SLC44A5: variants seen among roughly 807,000 people sequenced by gnomAD.
SLC44A5 encodes the protein choline transporter-like protein 5.
Under a neutral mutation model 101.8 loss-of-function variants are expected in SLC44A5, and 57 were observed. That is an observed-to-expected ratio of 0.56 (90% CI 0.45 to 0.70). SLC44A5 has a LOEUF of 0.70. SLC44A5 is among the 30% of genes least tolerant of loss of function. The pLI is 0.00. For missense variants in SLC44A5, 737 were observed against 853.1 expected (o/e 0.86, Z 1.70); for synonymous variants, 281 against 290.9 (o/e 0.97, Z 0.35).
Position 75,276,078 on chromosome 1 carries a change from A to G in SLC44A5, c.176-1036T>C, listed in dbSNP as rs557901129. ...CAATATGGAAGAAAATTTTTTCTCA[A>G]TATTTTTTCTCAATCTAAGCCTGTC... On this transcript the variant is annotated intron_variant, in intron 5 of 23. Coordinates refer to ENST00000370859, the MANE Select transcript of SLC44A5 (RefSeq NM_001130058.2). Among the ~76,000 whole-genome samples, 4 of 152,264 alleles carry G rather than the reference A, an allele frequency of 2.6e-5. No individual in the cohort carries two copies. In the South Asian group the frequency reaches 8.3e-4, roughly 32 times the overall value.
At chr1:75,364,431 T>C (rs1659715130) in intron 3 of SLC44A5, among the ~76,000 whole-genome samples, 1 of 152,128 alleles carries the variant, frequency 6.6e-6, no homozygotes, top group South Asian at 2.1e-4. Flanking sequence ...CAAGATCTCA[T>C]GAGAAATCAC....
chr1:75,693,261 T>C, the SLC44A5 span, among the ~76,000 whole-genome samples: 1 of 152,240 alleles, frequency 6.6e-6, no homozygotes, highest in Non-Finnish European at 1.5e-5. Context: ...TGCCATCTGA[T>C]AGCAGTTTTC....
At chr1:75,444,920 G>A (rs181933096) in intron 2 of SLC44A5, among the ~76,000 whole-genome samples, 1 of 152,248 alleles carries the variant, frequency 6.6e-6, no homozygotes, top group African/African-American at 2.4e-5. Context: ...GTTAGGTAGA[G>A]GAGAGAATGA....
chr1:75,366,336 T>C (rs145789282), intron 3 of SLC44A5, among the ~76,000 whole-genome samples: 1 of 152,160 alleles, frequency 6.6e-6, no homozygotes, highest in Non-Finnish European at 1.5e-5. Flanking sequence ...GCCTTTTGAA[T>C]ATATAATCCC....
At chr1:75,256,288 C>G (rs1650015890) in intron 6 of SLC44A5, among the ~76,000 whole-genome samples, 1 of 152,040 alleles carries the variant, frequency 6.6e-6, no homozygotes, top group Non-Finnish European at 1.5e-5. Context: ...CAAGGTAGAC[C>G]TTCAGGGAAA....
the SLC44A5 span, among the ~76,000 whole-genome samples, chr1:75,645,359 G>T: frequency 2.6e-5 from 4 of 152,062 alleles, no homozygotes; most frequent in Non-Finnish European, 5.9e-5. Context: ...GTTTTGATTT[G>T]CATTTCTCTG....
chr1:75,424,971 G>A (rs1570239938), intron 2 of SLC44A5, among the ~76,000 whole-genome samples: 1 of 152,110 alleles, frequency 6.6e-6, no homozygotes, highest in East Asian at 1.9e-4. Flanking sequence ...CCAACAATAG[G>A]AACACTTTGG....
intron 1 of SLC44A5, among the ~76,000 whole-genome samples, chr1:75,590,084 A>C (rs982966989): frequency 6.6e-6 from 1 of 152,050 alleles, no homozygotes; most frequent in Non-Finnish European, 1.5e-5. Flanking sequence ...CTGAGACACC[A>C]GCTGGGGTAA....
chr1:75,541,193 C>T (rs1355205076), intron 2 of SLC44A5, among the ~76,000 whole-genome samples: 1 of 152,076 alleles, frequency 6.6e-6, no homozygotes, highest in Non-Finnish European at 1.5e-5. Context: ...GCCATGTTCC[C>T]AAGAATCACT....
At chr1:75,372,902 T>G (rs1455365798) in intron 3 of SLC44A5, among the ~76,000 whole-genome samples, 1 of 152,146 alleles carries the variant, frequency 6.6e-6, no homozygotes, top group East Asian at 1.9e-4. Flanking sequence ...TCCAATGAAG[T>G]TTAGTAGAAT....
At chr1:75,558,929 C>G (rs950954231) in intron 1 of SLC44A5, among the ~76,000 whole-genome samples, 5 of 152,070 alleles carry the variant, frequency 3.3e-5, no homozygotes, top group African/African-American at 4.8e-5. Flanking sequence ...AGGTCTCAGA[C>G]AGTAGCCAAC....
Position 75,222,461 on chromosome 1 carries a change from C to A in SLC44A5, c.986-1G>T. The A allele has an allele frequency of 6.3e-7, 1 of 1,594,690 alleles. No individual in the cohort carries two copies. The highest frequency in any genetic ancestry group is 1.7e-5 in the Admixed American group (1 of 59,784). On this transcript the variant is annotated splice_acceptor_variant, in intron 13 of 23. Transcript: ENST00000370859. LOFTEE classifies it high-confidence loss of function. ...ACTTCAATGATGCAGAGTATTATCA[C>A]TTTGAACAGGAAAAAAAAAATCAGT...
At chr1:75,460,968 T>C (rs1364843537) in intron 2 of SLC44A5, among the ~76,000 whole-genome samples, 1 of 152,078 alleles carries the variant, frequency 6.6e-6, no homozygotes, top group African/African-American at 2.4e-5. Flanking sequence ...CTTGCAAATT[T>C]ATCCACAATA....
intron 7 of SLC44A5, among the ~76,000 whole-genome samples, chr1:75,246,700 T>C (rs1570460956): frequency 6.6e-6 from 1 of 151,980 alleles, no homozygotes; most frequent in African/African-American, 2.4e-5. Context: ...TTTGAAGAGG[T>C]AGTCAAAGAA....
At chr1:75,268,070 T>C (rs960157741) in intron 6 of SLC44A5, among the ~76,000 whole-genome samples, 1 of 152,162 alleles carries the variant, frequency 6.6e-6, no homozygotes, top group African/African-American at 2.4e-5. Flanking sequence ...TCAGAGTCCA[T>C]AGGACACAGA....
intron 1 of SLC44A5, among the ~76,000 whole-genome samples, chr1:75,607,709 T>C (rs1305031442): frequency 6.6e-6 from 1 of 151,960 alleles, no homozygotes; most frequent in Non-Finnish European, 1.5e-5. Context: ...TGAGATCTGA[T>C]GGTTTTATAA....
intron 6 of SLC44A5, among the ~76,000 whole-genome samples, chr1:75,269,887 G>A (rs1002090041): frequency 6.6e-6 from 1 of 152,114 alleles, no homozygotes; most frequent in African/African-American, 2.4e-5. Flanking sequence ...ACATGTTGTG[G>A]GAGGGAACCC....
At chr1:75,588,211 T>TGAAG (rs1553211145) in intron 1 of SLC44A5, among the ~76,000 whole-genome samples, 1 of 121,374 alleles carries the variant, frequency 8.2e-6, no homozygotes, top group African/African-American at 3.2e-5. Flanking sequence ...AAAGAAGGGA[T>TGAAG]GAAGGAAGGA....
chr1:75,274,132 T>C (rs1651723890), intron 6 of SLC44A5, among the ~76,000 whole-genome samples: 1 of 151,972 alleles, frequency 6.6e-6, no homozygotes, highest in South Asian at 2.1e-4. Flanking sequence ...TCCTCAGCTA[T>C]GTTTTTTGTT....
Sources: allele counts gnomAD v4.1 joint callset (sites outside exome capture counted in the v4.1 genomes callset), GRCh38; gene constraint gnomAD v4.1.1; transcripts MANE v1.5; gene names NCBI Gene and HGNC (gene_info 2026-07-23, HGNC 2026-07-21).